Variants in ELN observed in about 807,000 individuals in gnomAD.
The protein encoded by ELN is tropoelastin.
A neutral mutation model predicts 105.8 loss-of-function variants in ELN; 65 were observed. The ratio of observed to expected loss-of-function variants is 0.61; its 90% CI spans 0.50 to 0.75. The LOEUF (loss-of-function observed/expected upper bound fraction) is 0.75. Ranked by LOEUF, ELN falls within the 30% of genes least tolerant of loss-of-function variation. The pLI is 0.00. For synonymous variants in ELN, 368 were observed against 389.2 expected, an observed-to-expected ratio of 0.95 and a Z score of 0.64; for missense variants, 882 against 969.4, an observed-to-expected ratio of 0.91 and a Z score of 1.20.
intron 1 of ELN, among the ~76,000 whole-genome samples, chr7:74,032,934 G>A (rs920643134): frequency 6.6e-6 from 1 of 152,200 alleles, no homozygotes; most frequent in Non-Finnish European, 1.5e-5. Context: ...CCTGGGCCAC[G>A]GACTGTGCAG....
chr7:74,042,560 G>A, intron 5 of ELN, 54 bp from the exon 6 acceptor site: 1 of 1,539,478 alleles, frequency 6.5e-7, no homozygotes. Context: ...CCAGAGCGTA[G>A]GAGTCTTCAT....
chr7:74,063,493 G>A lies in ELN; in HGVS notation c.1918+124G>A. On this transcript the variant is annotated intron_variant, in intron 28 of 32. Coordinates refer to ENST00000252034, the MANE Select transcript of ELN (RefSeq NM_000501.4). The surrounding 1 kb of genome is among the most constrained non-coding windows in gnomAD (Gnocchi z 4.1). ...CCCAGACACCTCCTGGCTCCACTGT[G>A]CCATCGAAGGCCAGGGGAGACCTCA... 7 of 1,606,890 alleles carry A rather than the reference G, an allele frequency of 4.4e-6. No individual in the cohort carries two copies. Among genetic ancestry groups the A allele is most frequent in the African/African-American group, 1.3e-5 (1 of 74,876 alleles).
At position 74,056,452 on chromosome 7, in the gene ELN, C is replaced by T. The variant is rs2856728; in HGVS notation, c.1315+17C>T. ...GCATTTCCCGTGAGCCTTAGTCACA[C>T]CTGGGGACATGGGTTGAGAAGGGAT... On this transcript the variant is annotated intron_variant, in intron 20 of 32. Coordinates refer to ENST00000252034, the MANE Select transcript of ELN (RefSeq NM_000501.4). 0.8 allele frequency: 1,291,144 copies of T among 1,613,490 alleles called. 517,464 individuals are homozygous for T. The highest frequency in any genetic ancestry group is 0.81 in the Non-Finnish European group (956,024 of 1,179,802).
intron 30 of ELN, 49 bp downstream of exon 30, chr7:74,065,781 A>G: frequency 1.9e-6 from 3 of 1,613,266 alleles, no homozygotes; most frequent in Non-Finnish European, 1.7e-6. Context: ...ACCCCCTGCC[A>G]TGCCCATCGC....
chr7:74,045,441 A>G, intron 10 of ELN, 148 bp downstream of exon 10: 1 of 873,848 alleles, frequency 1.1e-6, no homozygotes, highest in Non-Finnish European at 1.8e-6. Flanking sequence ...CCTGGTGCTG[A>G]AAAACCTCAG....
At chr7:74,051,897 C>A (rs782799028) in intron 16 of ELN, 27 bp from the exon 17 acceptor site, 7 of 1,614,004 alleles carry the variant, frequency 4.3e-6, no homozygotes, top group Non-Finnish European at 5.9e-6. Flanking sequence ...AGGGCAAGGA[C>A]CTCACCCTCT....
intron 1 of ELN, among the ~76,000 whole-genome samples, chr7:74,033,761 C>A (rs981385363): frequency 1.3e-5 from 2 of 152,374 alleles, no homozygotes; most frequent in Middle Eastern, 3.4e-3. Flanking sequence ...CGAGGCCTCC[C>A]TGGACACATT....
intron 4 of ELN, 78 bp from the exon 5 acceptor site, chr7:74,041,138 G>A: frequency 6.3e-7 from 1 of 1,598,800 alleles, no homozygotes; most frequent in Non-Finnish European, 8.6e-7. Flanking sequence ...TCACAGCACT[G>A]CCCTAACTCC....
chr7:74,039,980 G>A (rs185640719), intron 4 of ELN, among the ~76,000 whole-genome samples: 10 of 152,296 alleles, frequency 6.6e-5, no homozygotes, highest in South Asian at 2.1e-4. Flanking sequence ...GCCCCTCCCC[G>A]CTTTCTCCTC....
At chr7:74,039,636 G>A (rs2131331971) in intron 4 of ELN, among the ~76,000 whole-genome samples, 1 of 152,382 alleles carries the variant, frequency 6.6e-6, no homozygotes, top group South Asian at 2.1e-4. Flanking sequence ...CTGGAAGCCT[G>A]CACACCCAAC....
chr7:74,053,712 ATGGGTGGATGGG>A (rs1171970666), intron 18 of ELN, among the ~76,000 whole-genome samples: 5 of 140,738 alleles, frequency 3.6e-5, no homozygotes, highest in Non-Finnish European at 6.2e-5. Context: ...GGATGGATGG[ATGGGTGGATGGG>A]TGGGTGGATG....
chr7:74,059,543 G>T (rs1390487141), intron 22 of ELN: 3 of 414,896 alleles, frequency 7.2e-6, no homozygotes, highest in Admixed American at 7.3e-5. Context: ...AATTAGCCGG[G>T]CATGGTGGTG....
chr7:74,057,441 G>A lies in ELN; in HGVS notation c.1358-199G>A, dbSNP rs781963901. 3.6e-4 allele frequency: 546 copies of A among 1,535,254 alleles called. No homozygotes were observed. Among genetic ancestry groups the A allele is most frequent in the Non-Finnish European group, 4.6e-4 (527 of 1,143,698 alleles). On this transcript the variant is annotated intron_variant, in intron 21 of 32. Coordinates refer to ENST00000252034, the MANE Select transcript of ELN (RefSeq NM_000501.4). ...GCCAGGTGCCCCAGGCGCAGTCCCA[G>A]GTGTGCCGGGCACGGGAGGAGTGCC...
At position 74,036,581 on chromosome 7, in the gene ELN, G is replaced by A; in HGVS notation, c.160G>A (p.Gly54Arg). The A allele has an allele frequency of 6.2e-7, 1 of 1,614,116 alleles. No homozygotes were observed. Among genetic ancestry groups the A allele is most frequent in the Non-Finnish European group, 8.5e-7 (1 of 1,180,030 alleles). Reference sequence around the variant, plus strand: ...GGCTGGTCTCGGAGCCCTTGGAGGAGGAGGTGAGCTCAGAAACCACACTTG... The same window carrying A: ...GGCTGGTCTCGGAGCCCTTGGAGGAAGAGGTGAGCTCAGAAACCACACTTG... ...PGAGLGALGG[G>R]ALGPGGKPLK... Residue 54 changes from glycine (G) to arginine (R), a missense_variant, in exon 3 of 33, where the codon GGA becomes AGA. Physicochemically the swap from Gly to Arg is moderately radical, Grantham distance 125. Coordinates refer to ENST00000252034, the MANE Select transcript of ELN (RefSeq NM_000501.4).
At chr7:74,053,032 T>C (rs1466316003) in intron 17 of ELN, 131 bp from the exon 18 acceptor site, 1 of 1,316,152 alleles carries the variant, frequency 7.6e-7, no homozygotes, top group East Asian at 2.5e-5. Flanking sequence ...GTAGGATCCA[T>C]GCAGAGGAAA....
intron 2 of ELN, 137 bp from the exon 3 acceptor site, chr7:74,036,418 C>T: frequency 8.8e-7 from 1 of 1,141,582 alleles, no homozygotes; most frequent in Non-Finnish European, 1.3e-6. Flanking sequence ...GAAGAGAAAA[C>T]CGAGGCTTGC....
intron 22 of ELN, chr7:74,059,665 T>C (rs1251779381): frequency 1.1e-5 from 7 of 622,170 alleles, no homozygotes; most frequent in Non-Finnish European, 1.7e-5. Context: ...GCCTGGGCGA[T>C]AGAGTGAGAC....
At chr7:74,051,471 G>A (rs1328007509) in intron 15 of ELN, among the ~76,000 whole-genome samples, 2 of 152,156 alleles carry the variant, frequency 1.3e-5, no homozygotes, top group Admixed American at 6.5e-5. Flanking sequence ...CCCAGGGAGC[G>A]GCCACTTGTG....
intron 29 of ELN, among the ~76,000 whole-genome samples, chr7:74,064,943 C>T (rs1554688032): frequency 6.6e-6 from 1 of 151,962 alleles, no homozygotes; most frequent in African/African-American, 2.4e-5. Flanking sequence ...AGGAGCTTAA[C>T]AATTAAGACT....
Sources: gnomAD v4.1 joint callset for allele counts (sites outside exome capture counted in the v4.1 genomes callset) on GRCh38, gnomAD v4.1.1 for gene constraint, Gnocchi (gnomAD v3.1) non-coding constraint, MANE v1.5 for transcripts, NCBI Gene and HGNC (gene_info 2026-07-23, HGNC 2026-07-21) for gene names.